JAKMIP1: variants seen among roughly 807,000 people sequenced by gnomAD.
The protein encoded by JAKMIP1 is janus kinase and microtubule-interacting protein 1.
In JAKMIP1, 33 loss-of-function variants were observed where a neutral mutation model predicts 113.0. The observed-to-expected ratio is 0.29, with a 90% confidence interval of 0.22 to 0.39. The LOEUF is 0.39. Among genes scored for constraint, JAKMIP1 ranks in the 10% least tolerant of loss-of-function variants. The pLI, the probability that JAKMIP1 is intolerant of heterozygous loss-of-function variation, is 1.00. For missense variants in JAKMIP1, 813 were observed against 1,080.5 expected, an observed-to-expected ratio of 0.75 and a Z score of 3.47; for synonymous variants, 480 against 459.9, an observed-to-expected ratio of 1.04 and a Z score of -0.56.
rs970679353 is a variant in JAKMIP1, at chr4:6,186,107, TGTG to T, written c.-148+14143_-148+14145del. 6.6e-6 allele frequency among the ~76,000 whole-genome samples: 1 copy of T among 152,072 alleles called. No homozygotes were observed. Among genetic ancestry groups the T allele is most frequent in the African/African-American group, 2.4e-5 (1 of 41,404 alleles). Reference sequence around the variant, plus strand: ...GCTACAGGAAGGAGAACGAACAAGTTGTGGTGAGAATTACACAACTCCTAAGCA... The same window carrying T: ...GCTACAGGAAGGAGAACGAACAAGTTGTGAGAATTACACAACTCCTAAGCA... On this transcript the variant is annotated intron_variant, in intron 1 of 20. Transcript: ENST00000409021. This position sits in a 1 kb window ranked among gnomAD's most constrained non-coding sequence, Gnocchi z 5.5.
chr4:6,149,738 C>G (rs1445059687), intron 1 of JAKMIP1, among the ~76,000 whole-genome samples: 1 of 152,086 alleles, frequency 6.6e-6, no homozygotes, highest in Non-Finnish European at 1.5e-5. Flanking sequence ...CACCTCTTGA[C>G]CCCCCACCAG....
At chr4:6,198,915 T>C (rs552229571) in intron 1 of JAKMIP1, among the ~76,000 whole-genome samples, 53 of 152,326 alleles carry the variant, frequency 3.5e-4, no homozygotes, top group African/African-American at 1.2e-3. Context: ...ATGGCCCTGC[T>C]ATGCCCAACA....
rs1212450724 is a variant in JAKMIP1 at position 6,040,058 on chromosome 4, C to T, written c.2175+581G>A. Among the ~76,000 whole-genome samples, 2 of 152,216 alleles carry T rather than the reference C, an allele frequency of 1.3e-5. No homozygotes were observed. Among genetic ancestry groups the T allele is most frequent in the East Asian group, 3.8e-4 (2 of 5,198 alleles). On this transcript the variant is annotated intron_variant, in intron 18 of 20. Coordinates refer to ENST00000409021, the MANE Select transcript of JAKMIP1 (RefSeq NM_001099433.2). The surrounding 1 kb of genome is among the most constrained non-coding windows in gnomAD (Gnocchi z 5.8). ...AGTTTCTATGATCTTACTCAACTCCCCTCCACCCCGAAGGAGAATTTCTCT... is the reference window on the plus strand; with the variant it reads ...AGTTTCTATGATCTTACTCAACTCCTCTCCACCCCGAAGGAGAATTTCTCT...
At position 6,139,198 on chromosome 4, in the gene JAKMIP1, G is replaced by T. The variant is rs968192947; in HGVS notation, c.-147-26201C>A. On this transcript the variant is annotated intron_variant, in intron 1 of 20. Coordinates refer to ENST00000409021, the MANE Select transcript of JAKMIP1 (RefSeq NM_001099433.2). This position sits in a 1 kb window ranked among gnomAD's most constrained non-coding sequence, Gnocchi z 5.2. ...AACCTGCTTTGGGAGGGTTCCCATG[G>T]GCTCCAGAAACTTTCACTATTTAAA... 8.5e-6 allele frequency among the ~76,000 whole-genome samples: 1 copy of T among 117,486 alleles called. No homozygotes were observed. The highest frequency in any genetic ancestry group is 2.0e-5 in the Non-Finnish European group (1 of 49,716). The allele number at this position is 117,486 out of a possible 152,430, so 77.1% of individuals were successfully genotyped here. A position where few individuals can be genotyped will look rare whatever the true frequency, so the allele number is the denominator to read the frequency against.
chr4:6,189,682 A>G (rs1201933656), intron 1 of JAKMIP1, among the ~76,000 whole-genome samples: 1 of 152,208 alleles, frequency 6.6e-6, no homozygotes, highest in Non-Finnish European at 1.5e-5. Context: ...GGCAGCTGCA[A>G]TACACAGTGG....
rs1045216780 is a variant in JAKMIP1, at chr4:6,156,773, C to T, written c.-148+43480G>A. 6.6e-6 allele frequency among the ~76,000 whole-genome samples: 1 copy of T among 152,248 alleles called. No individual in the cohort carries two copies. Among genetic ancestry groups the T allele is most frequent in the Non-Finnish European group, 1.5e-5 (1 of 68,046 alleles). On this transcript the variant is annotated intron_variant, in intron 1 of 20. Coordinates refer to ENST00000409021, the MANE Select transcript of JAKMIP1 (RefSeq NM_001099433.2). This position sits in a 1 kb window ranked among gnomAD's most constrained non-coding sequence, Gnocchi z 5.0. ...CTTGGTTACATCCCAGCTCCACTGT[C>T]CCCAGATGTCTGGTCTTGGGAATCT...
chr4:6,037,331 C>T lies in JAKMIP1; in HGVS notation c.2176-1224G>A, dbSNP rs34791614. Among the ~76,000 whole-genome samples, 12 of 109,224 alleles carry T rather than the reference C, an allele frequency of 1.1e-4. 1 individual carries two copies. Among genetic ancestry groups the T allele is most frequent in the East Asian group, 4.6e-4 (2 of 4,326 alleles). 71.7% of individuals were successfully genotyped at this position (109,224 alleles called of 152,430 possible). Reference sequence around the variant, plus strand: ...AGGCTAACCAGTATCCCTCCATCACCGAGGCAGAGGTTAACCCAGTAGCCC... The same window carrying T: ...AGGCTAACCAGTATCCCTCCATCACTGAGGCAGAGGTTAACCCAGTAGCCC... On this transcript the variant is annotated intron_variant, in intron 18 of 20. Coordinates refer to ENST00000409021, the MANE Select transcript of JAKMIP1 (RefSeq NM_001099433.2).
At position 6,153,368 on chromosome 4, in the gene JAKMIP1, G is replaced by A. The variant is rs76003325; in HGVS notation, c.-147-40371C>T. ...CCACGCTGAGCATCAGGAGCCCTGG[G>A]ATTTGAAGCCCCTTCTTCTCTCCAC... On this transcript the variant is annotated intron_variant, in intron 1 of 20. Transcript: ENST00000409021. This position sits in a 1 kb window ranked among gnomAD's most constrained non-coding sequence, Gnocchi z 4.9. Among the ~76,000 whole-genome samples, 454 of 152,304 alleles carry A rather than the reference G, an allele frequency of 3.0e-3. 1 individual carries two copies. The highest frequency in any genetic ancestry group is 0.011 in the African/African-American group (438 of 41,572).
intron 3 of JAKMIP1, among the ~76,000 whole-genome samples, chr4:6,096,111 G>A (rs1711706512): frequency 1.3e-5 from 2 of 152,136 alleles, no homozygotes; most frequent in African/African-American, 2.4e-5. Context: ...AAGGACACAG[G>A]AGTGCCTGTG....
chr4:6,182,954 G>A (rs752455004), intron 1 of JAKMIP1, among the ~76,000 whole-genome samples: 5 of 152,200 alleles, frequency 3.3e-5, no homozygotes, highest in Non-Finnish European at 5.9e-5. Flanking sequence ...AGACTTGGAG[G>A]TCAGGCCAGT....
chr4:6,151,152 G>A (rs577962794), intron 1 of JAKMIP1, among the ~76,000 whole-genome samples: 10 of 152,204 alleles, frequency 6.6e-5, no homozygotes, highest in Admixed American at 2.0e-4. Flanking sequence ...ACTGTGACAC[G>A]GCCATAGCAC....
intron 8 of JAKMIP1, among the ~76,000 whole-genome samples, chr4:6,068,501 T>C (rs1718488756): frequency 6.6e-6 from 1 of 151,928 alleles, no homozygotes; most frequent in African/African-American, 2.4e-5. Context: ...CAGCAACGAG[T>C]TGTCTGGGAC....
chr4:6,117,816 C>T (rs1716055471), intron 1 of JAKMIP1, among the ~76,000 whole-genome samples: 1 of 152,224 alleles, frequency 6.6e-6, no homozygotes, highest in Non-Finnish European at 1.5e-5. Flanking sequence ...CGATATTTCT[C>T]CCATTTGCTT....
chr4:6,164,327 C>T (rs1430898202), intron 1 of JAKMIP1, among the ~76,000 whole-genome samples: 2 of 152,166 alleles, frequency 1.3e-5, no homozygotes, highest in Non-Finnish European at 2.9e-5. Context: ...GACAGCACAT[C>T]TGTCTGTAGC....
intron 18 of JAKMIP1, among the ~76,000 whole-genome samples, chr4:6,039,424 G>A (rs547003105): frequency 2.0e-5 from 3 of 152,268 alleles, no homozygotes; most frequent in Non-Finnish European, 2.9e-5. Flanking sequence ...ATTGCGCTAC[G>A]CTTTGCGGGA....
chr4:6,110,593 C>T (rs1283299613), intron 2 of JAKMIP1, among the ~76,000 whole-genome samples: 2 of 146,902 alleles, frequency 1.4e-5, no homozygotes, highest in Non-Finnish European at 3.0e-5. Context: ...GCTATCTGCA[C>T]AGTAGGCATG....
intron 7 of JAKMIP1, 52 bp from the exon 8 acceptor site, chr4:6,079,050 A>C: frequency 6.3e-7 from 1 of 1,598,488 alleles, no homozygotes; most frequent in Non-Finnish European, 8.6e-7. Context: ...CATCTCACAA[A>C]CCAAAGCCAC....
chr4:6,126,400 AC>A (rs1717632469), intron 1 of JAKMIP1, among the ~76,000 whole-genome samples: 2 of 150,428 alleles, frequency 1.3e-5, no homozygotes, highest in Non-Finnish European at 3.0e-5. Flanking sequence ...AGAAACACAC[AC>A]ACAAACATAC....
Position 6,197,724 on chromosome 4 carries a change from CCAG to C in JAKMIP1, c.-148+2526_-148+2528del, listed in dbSNP as rs1217121727. Reference sequence around the variant, plus strand: ...GAAAGCCCAGCAGGGAGGCACTTGCCCAGTCACAGCTAAGTGAGGCAGGGCCTG... The same window carrying C: ...GAAAGCCCAGCAGGGAGGCACTTGCCTCACAGCTAAGTGAGGCAGGGCCTG... On this transcript the variant is annotated intron_variant, in intron 1 of 20. Transcript: ENST00000409021. This position sits in a 1 kb window ranked among gnomAD's most constrained non-coding sequence, Gnocchi z 6.5. Among the ~76,000 whole-genome samples the C allele has an allele frequency of 2.0e-5, 3 of 152,222 alleles. No homozygotes were observed. The highest frequency in any genetic ancestry group is 7.2e-5 in the African/African-American group (3 of 41,456).
Sources: allele counts gnomAD v4.1 joint callset (sites outside exome capture counted in the v4.1 genomes callset), GRCh38; gene constraint gnomAD v4.1.1; non-coding constraint Gnocchi (gnomAD v3.1); transcripts MANE v1.5; gene names NCBI Gene and HGNC (gene_info 2026-07-23, HGNC 2026-07-21).